FKBP7: variants seen among roughly 807,000 people sequenced by gnomAD.
FKBP7 encodes the protein peptidyl-prolyl cis-trans isomerase FKBP7.
A neutral mutation model predicts 24.3 loss-of-function variants in FKBP7; 24 were observed. That is an observed-to-expected ratio of 0.99 (90% CI 0.72 to 1.39). FKBP7 has a LOEUF of 1.39. Among genes scored for constraint, FKBP7 ranks in the 40% most tolerant of loss-of-function variants. The probability of loss-of-function intolerance (pLI) is 0.00; values close to 1 mark genes in which losing one functional copy is unlikely to be tolerated. For missense variants in FKBP7, 257 were observed against 269.5 expected (o/e 0.95, Z 0.33); for synonymous variants, 98 against 92.8 (o/e 1.06, Z -0.32).
chr2:178,478,400 C>T lies in FKBP7; in HGVS notation c.100G>A (p.Glu34Lys), dbSNP rs1339843145. 6.2e-7 allele frequency: 1 copy of T among 1,614,112 alleles called. No individual in the cohort carries two copies. The highest frequency in any genetic ancestry group is 8.5e-7 in the Non-Finnish European group (1 of 1,180,040). ...CGATGCAAAACTTCTATTTTCACTT[C>T]TTCGGTGCTCTCCTCTTTCTTTTGT... ...QRQKKEESTE[E>K]VKIEVLHRPE... Residue 34 changes from glutamate (E) to lysine (K), a missense_variant, in exon 1 of 4, where the codon GAA becomes AAA. Transcript: ENST00000424785.
intron 2 of FKBP7, among the ~76,000 whole-genome samples, chr2:178,474,287 G>T (rs759427110): frequency 5.3e-5 from 8 of 152,184 alleles, no homozygotes; most frequent in Non-Finnish European, 8.8e-5. Flanking sequence ...AACTAAGGAT[G>T]CAAGGTACAG....
At chr2:178,471,232 A>C (rs1257083813) in intron 2 of FKBP7, among the ~76,000 whole-genome samples, 2 of 145,968 alleles carry the variant, frequency 1.4e-5, no homozygotes, top group Non-Finnish European at 3.0e-5. Flanking sequence ...TTTTTTAGAC[A>C]AGAATCTTCC....
chr2:178,473,106 G>A lies in FKBP7; in HGVS notation c.374-3321C>T, dbSNP rs1221553598. 3.1e-6 allele frequency: 4 copies of A among 1,304,836 alleles called. No individual in the cohort carries two copies. In the Admixed American group the frequency reaches 9.2e-5, roughly 30 times the overall value. 80.8% of individuals were successfully genotyped at this position (1,304,836 alleles called of 1,614,324 possible). ...AGGGTTGTTCTGTGACATGAGACAA[G>A]GATATTTTGCAGAAGAAAGACTTCT... On this transcript the variant is annotated intron_variant, in intron 2 of 3. Coordinates refer to ENST00000424785, the MANE Select transcript of FKBP7 (RefSeq NM_181342.3).
chr2:178,474,967 C>A (rs1684960001), intron 2 of FKBP7, among the ~76,000 whole-genome samples: 1 of 152,168 alleles, frequency 6.6e-6, no homozygotes. Context: ...GGATTATAGG[C>A]ATGAAGCCAC....
At chr2:178,466,757 A>C (rs1559375792) in intron 3 of FKBP7, among the ~76,000 whole-genome samples, 1 of 152,168 alleles carries the variant, frequency 6.6e-6, no homozygotes, top group Non-Finnish European at 1.5e-5. Context: ...TGACTATAAA[A>C]ATTTTAAAAT....
At chr2:178,469,837 A>G (rs1383113025) in intron 2 of FKBP7, 52 bp from the exon 3 acceptor site, 2 of 1,492,348 alleles carry the variant, frequency 1.3e-6, no homozygotes, top group African/African-American at 2.8e-5. Context: ...TAGTTCAAAT[A>G]TCTATTCATG....
chr2:178,470,506 A>G (rs1179579084), intron 2 of FKBP7, among the ~76,000 whole-genome samples: 1 of 152,282 alleles, frequency 6.6e-6, no homozygotes, highest in Non-Finnish European at 1.5e-5. Context: ...GAAGAAATGC[A>G]TGGGCAGAAA....
chr2:178,478,146 T>A (rs1236425429), intron 1 of FKBP7, 133 bp downstream of exon 1: 41 of 872,390 alleles, frequency 4.7e-5, no homozygotes, highest in South Asian at 6.9e-5. Flanking sequence ...TGATTTTTTT[T>A]AATGAATAAA....
chr2:178,476,175 T>A (rs1185463884), intron 2 of FKBP7, among the ~76,000 whole-genome samples: 2 of 152,188 alleles, frequency 1.3e-5, no homozygotes, highest in Admixed American at 1.3e-4. Flanking sequence ...ATCATGAGTG[T>A]TGCCACAATG....
intron 2 of FKBP7, among the ~76,000 whole-genome samples, chr2:178,472,104 C>A (rs1684862634): frequency 7.1e-6 from 1 of 141,742 alleles, no homozygotes. Flanking sequence ...GAGACAGAAT[C>A]TGTTCTGTTG....
At chr2:178,471,620 T>C (rs1559908) in intron 2 of FKBP7, among the ~76,000 whole-genome samples, 28,630 of 152,202 alleles carry the variant, frequency 0.19, 3,328 homozygotes, top group East Asian at 0.61. Flanking sequence ...GCTTGTGTCA[T>C]CAGTATATTG....
intron 2 of FKBP7, among the ~76,000 whole-genome samples, 169 bp from the exon 3 acceptor site, chr2:178,469,954 A>G (rs888845213): frequency 9.2e-5 from 14 of 151,640 alleles, no homozygotes; most frequent in African/African-American, 3.4e-4. Context: ...CGGCTTTTCA[A>G]TAGTTTTCTT....
At chr2:178,467,231 G>A (rs1428492806) in intron 3 of FKBP7, among the ~76,000 whole-genome samples, 1 of 152,082 alleles carries the variant, frequency 6.6e-6, no homozygotes, top group Non-Finnish European at 1.5e-5. Flanking sequence ...GTAAGAACAT[G>A]ACCTTAATTT....
chr2:178,475,407 T>G (rs1684971713), intron 2 of FKBP7, among the ~76,000 whole-genome samples: 2 of 152,084 alleles, frequency 1.3e-5, no homozygotes, highest in African/African-American at 4.8e-5. Context: ...TTTTTGTATT[T>G]TTAGTGGAGA....
Position 178,478,555 on chromosome 2 carries a change from T to C in FKBP7, c.-56A>G, listed in dbSNP as rs1477929090. ...GCGTGTCACTCGCGCCCCGTGGATG[T>C]CCCGCGGCCGAGTTCCGACGCGTGG... On this transcript the variant is annotated 5_prime_UTR_variant, in exon 1 of 4. Transcript: ENST00000424785. The C allele has an allele frequency of 1.2e-6, 2 of 1,602,774 alleles. No homozygotes were observed. The highest frequency in any genetic ancestry group is 8.5e-7 in the Non-Finnish European group (1 of 1,175,706).
intron 2 of FKBP7, 67 bp downstream of exon 2, chr2:178,476,995 T>A: frequency 8.4e-7 from 1 of 1,184,320 alleles, no homozygotes. Flanking sequence ...CAGACCTATA[T>A]ACCCAGAAAT....
In FKBP7 at chr2:178,470,142, C is replaced by T. The variant is rs560218247; in HGVS notation, c.374-357G>A. ...TGACCCTCTATATCTGTGGGTTCTGCATCTGTGGATTCAACCAGTCTCGGC... is the reference window on the plus strand; with the variant it reads ...TGACCCTCTATATCTGTGGGTTCTGTATCTGTGGATTCAACCAGTCTCGGC... On this transcript the variant is annotated intron_variant, in intron 2 of 3. Coordinates refer to ENST00000424785, the MANE Select transcript of FKBP7 (RefSeq NM_181342.3). Among the ~76,000 whole-genome samples, 3 of 152,168 alleles carry T rather than the reference C, an allele frequency of 2.0e-5. No homozygotes were observed. The South Asian group carries it at 6.2e-4, about 32-fold the overall frequency.
At chr2:178,465,970 T>C in intron 3 of FKBP7, 39 bp from the exon 4 acceptor site, 3 of 1,511,638 alleles carry the variant, frequency 2.0e-6, no homozygotes, top group African/African-American at 1.4e-5. Context: ...TTAAAAGGTA[T>C]CACAGTGAAT....
At chr2:178,472,848 T>C (rs1684887113) in intron 2 of FKBP7, among the ~76,000 whole-genome samples, 2 of 33,454 alleles carry the variant, frequency 6.0e-5, no homozygotes, top group African/African-American at 2.5e-4. Flanking sequence ...CAAGACTCCA[T>C]CTCAAAAAAA....
Sources: allele counts gnomAD v4.1 joint callset (sites outside exome capture counted in the v4.1 genomes callset), GRCh38; gene constraint gnomAD v4.1.1; transcripts MANE v1.5; gene names NCBI Gene and HGNC (gene_info 2026-07-23, HGNC 2026-07-21).